CDC42BPA: variants seen among roughly 807,000 people sequenced by gnomAD.
CDC42BPA encodes the protein CDC42 binding protein kinase alpha.
In CDC42BPA, 80 loss-of-function variants were observed where a neutral mutation model predicts 223.5. That is an observed-to-expected ratio of 0.36 (90% CI 0.30 to 0.43). The LOEUF is 0.43. Among genes scored for constraint, CDC42BPA ranks in the 20% least tolerant of loss-of-function variants. The probability of loss-of-function intolerance (pLI) is 1.00; values close to 1 mark genes in which losing one functional copy is unlikely to be tolerated. For synonymous variants in CDC42BPA, 694 were observed against 718.6 expected (o/e 0.97, Z 0.55); for missense variants, 1,743 against 2,099.9 (o/e 0.83, Z 3.32).
Position 227,317,776 on chromosome 1 carries a change from G to A in CDC42BPA, c.-594C>T. Reference sequence around the variant, plus strand: ...ATTTCTCCAGCGGGAAAGGGAGGGGGCGAGGTCCCTGAAGCAGCCCCTCGG... The same window carrying A: ...ATTTCTCCAGCGGGAAAGGGAGGGGACGAGGTCCCTGAAGCAGCCCCTCGG... On this transcript the variant is annotated 5_prime_UTR_variant, in exon 1 of 37. Transcript: ENST00000366766. 2.5e-6 allele frequency: 1 copy of A among 398,648 alleles called. No individual in the cohort carries two copies. Among genetic ancestry groups the A allele is most frequent in the East Asian group, 3.6e-5 (1 of 28,090 alleles). 24.7% of individuals were successfully genotyped at this position (398,648 alleles called of 1,614,324 possible).
intron 5 of CDC42BPA, among the ~76,000 whole-genome samples, chr1:227,165,809 T>A (rs1376925848): frequency 6.6e-6 from 1 of 152,148 alleles, no homozygotes; most frequent in Admixed American, 6.5e-5. Flanking sequence ...AAAAATAGAA[T>A]TGAATATAGC....
intron 12 of CDC42BPA, 48 bp from the exon 13 acceptor site, chr1:227,112,961 G>T: frequency 6.3e-7 from 1 of 1,589,650 alleles, no homozygotes; most frequent in South Asian, 1.2e-5. Context: ...GCAACCTAGA[G>T]ACCAAATTTG....
intron 11 of CDC42BPA, among the ~76,000 whole-genome samples, chr1:227,127,091 A>G (rs1431412984): frequency 2.6e-5 from 4 of 152,206 alleles, no homozygotes; most frequent in Non-Finnish European, 5.9e-5. Flanking sequence ...TACAAAATAA[A>G]CATATAAAAA....
At chr1:227,134,049 CA>C (rs1657991216) in intron 10 of CDC42BPA, among the ~76,000 whole-genome samples, 1 of 151,860 alleles carries the variant, frequency 6.6e-6, no homozygotes, top group East Asian at 1.9e-4. Context: ...GCATGGCCTC[CA>C]AAATCATCTC....
At chr1:227,060,182 C>A (rs1558402453) in intron 21 of CDC42BPA, among the ~76,000 whole-genome samples, 1 of 151,844 alleles carries the variant, frequency 6.6e-6, no homozygotes, top group African/African-American at 2.4e-5. Flanking sequence ...CAGGTGCCCA[C>A]CACCACGCCC....
In CDC42BPA at chr1:226,994,295, G is replaced by A. The variant is rs1203585744; in HGVS notation, c.5238C>T (p.Ser1746=). The A allele has an allele frequency of 6.3e-7, 1 of 1,592,392 alleles. No homozygotes were observed. Among genetic ancestry groups the A allele is most frequent in the Non-Finnish European group, 8.6e-7 (1 of 1,167,586 alleles). ...PRKTKSLSLE[S]TDRGSWDP ...ACGGGTCCCAGCTCCCGCGGTCAGT[G>A]CTCTCCAGGGAGAGGCTCTTGGTTT... Residue 1746 remains serine (S), a synonymous_variant, in exon 37 of 37, where the codon AGC becomes AGT. Transcript: ENST00000366766. This position sits in a 1 kb window ranked among gnomAD's most constrained non-coding sequence, Gnocchi z 4.0.
chr1:227,057,686 T>C lies in CDC42BPA; in HGVS notation c.2905-5701A>G, dbSNP rs774235357. Among the ~76,000 whole-genome samples, 4 of 152,334 alleles carry C rather than the reference T, an allele frequency of 2.6e-5. No individual in the cohort carries two copies. In the South Asian group the frequency reaches 6.2e-4, roughly 24 times the overall value. ...CCAGGAAAGCAGATAACCAAGCCTA[T>C]TATATCTACGTTTAAAATAATCATA... On this transcript the variant is annotated intron_variant, in intron 21 of 36. Transcript: ENST00000366766.
At chr1:227,241,129 C>T (rs1052923785) in intron 2 of CDC42BPA, among the ~76,000 whole-genome samples, 2 of 151,952 alleles carry the variant, frequency 1.3e-5, no homozygotes, top group African/African-American at 4.8e-5. Context: ...TGATATATAA[C>T]ACAAATGCAA....
intron 32 of CDC42BPA, among the ~76,000 whole-genome samples, chr1:227,018,140 G>A (rs1465251480): frequency 6.6e-6 from 1 of 151,816 alleles, no homozygotes; most frequent in African/African-American, 2.4e-5. Context: ...TCGACCTCCT[G>A]GGCTCAAGTG....
intron 1 of CDC42BPA, among the ~76,000 whole-genome samples, chr1:227,255,496 G>C (rs541438322): frequency 6.6e-6 from 1 of 152,100 alleles, no homozygotes; most frequent in African/African-American, 2.4e-5. Flanking sequence ...AAGAGAAAGA[G>C]AAAAAAATTA....
intron 35 of CDC42BPA, among the ~76,000 whole-genome samples, chr1:226,995,848 T>A (rs755543618): frequency 2.8e-4 from 42 of 152,238 alleles, no homozygotes; most frequent in Non-Finnish European, 5.1e-4. Context: ...TTAGGATGAT[T>A]GGTCCAAAAG....
chr1:227,006,686 C>T (rs1019654096), intron 34 of CDC42BPA, among the ~76,000 whole-genome samples: 1 of 152,076 alleles, frequency 6.6e-6, no homozygotes, highest in African/African-American at 2.4e-5. Flanking sequence ...CCTGTAATCC[C>T]AGCACTTTGG....
At chr1:227,307,470 A>G (rs1353631682) in intron 1 of CDC42BPA, among the ~76,000 whole-genome samples, 1 of 152,196 alleles carries the variant, frequency 6.6e-6, no homozygotes, top group Non-Finnish European at 1.5e-5. Context: ...TGTTCTTCAT[A>G]AGGAGTTCCA....
intron 2 of CDC42BPA, among the ~76,000 whole-genome samples, chr1:227,216,026 A>T (rs183926351): frequency 6.6e-6 from 1 of 152,302 alleles, no homozygotes; most frequent in East Asian, 1.9e-4. Flanking sequence ...TACACTTGAA[A>T]AAATTACTGA....
chr1:227,151,520 G>T (rs1661754373), intron 6 of CDC42BPA, among the ~76,000 whole-genome samples: 1 of 152,046 alleles, frequency 6.6e-6, no homozygotes, highest in Non-Finnish European at 1.5e-5. Context: ...GGATCACGTG[G>T]TAATTCTATT....
chr1:227,003,318 G>C (rs1293581061), intron 35 of CDC42BPA, among the ~76,000 whole-genome samples: 1 of 152,142 alleles, frequency 6.6e-6, no homozygotes, highest in African/African-American at 2.4e-5. Flanking sequence ...TCACTAAGTT[G>C]CACCTGGTAC....
chr1:227,201,341 TCTCA>T (rs1258191713), intron 3 of CDC42BPA, among the ~76,000 whole-genome samples: 1 of 151,846 alleles, frequency 6.6e-6, no homozygotes, highest in Non-Finnish European at 1.5e-5. Flanking sequence ...AGAGACGAGG[TCTCA>T]CTATCTTGCT....
In CDC42BPA at chr1:226,996,889, G is replaced by C. The variant is rs138365250; in HGVS notation, c.4976-1909C>G. Among the ~76,000 whole-genome samples, 916 of 152,322 alleles carry C rather than the reference G, an allele frequency of 6.0e-3. 10 individuals carry two copies. The highest frequency in any genetic ancestry group is 0.021 in the African/African-American group (862 of 41,570). On this transcript the variant is annotated intron_variant, in intron 35 of 36. Transcript: ENST00000366766. ...TTTAATTGAGGATTTTCGCATCAAT[G>C]TTCATCAGGGATATTGGCTTGAAAT...
intron 12 of CDC42BPA, among the ~76,000 whole-genome samples, chr1:227,115,843 T>C (rs1407627321): frequency 6.7e-6 from 1 of 149,952 alleles, no homozygotes; most frequent in African/African-American, 2.5e-5. Context: ...TGGACCAGTA[T>C]AATCTGAATA....
Sources: allele counts gnomAD v4.1 joint callset (sites outside exome capture counted in the v4.1 genomes callset), GRCh38; gene constraint gnomAD v4.1.1; non-coding constraint Gnocchi (gnomAD v3.1); transcripts MANE v1.5; gene names NCBI Gene and HGNC (gene_info 2026-07-23, HGNC 2026-07-21).